FOXP1: variants seen among roughly 807,000 people sequenced by gnomAD.
FOXP1 encodes the protein forkhead box protein P1.
In FOXP1, 15 loss-of-function variants were observed where a neutral mutation model predicts 98.2. The observed-to-expected ratio is 0.15, with a 90% CI of 0.10 to 0.24. The LOEUF (loss-of-function observed/expected upper bound fraction) is 0.24. Ranked by LOEUF, FOXP1 falls within the 10% of genes least tolerant of loss-of-function variation. FOXP1 has a pLI of 1.00. For missense variants in FOXP1, 633 were observed against 848.5 expected (o/e 0.75, Z 3.15); for synonymous variants, 371 against 314.5 (o/e 1.18, Z -1.90).
chr3:71,559,267 C>T (rs536406246), intron 2 of FOXP1, among the ~76,000 whole-genome samples: 1 of 152,316 alleles, frequency 6.6e-6, no homozygotes, highest in African/African-American at 2.4e-5. Context: ...CTAAGGCATT[C>T]GCTTACTATT....
intron 14 of FOXP1, among the ~76,000 whole-genome samples, chr3:70,980,010 G>C (rs371345419): frequency 1.3e-5 from 2 of 152,120 alleles, no homozygotes; most frequent in East Asian, 1.9e-4. Flanking sequence ...CAATGCCTGC[G>C]AAGAGCAAGC....
At chr3:71,245,664 T>G (rs1026044799) in intron 5 of FOXP1, among the ~76,000 whole-genome samples, 1 of 147,994 alleles carries the variant, frequency 6.8e-6, no homozygotes, top group East Asian at 2.1e-4. Flanking sequence ...GTTACCTTCA[T>G]AAAAATTCCT....
intron 6 of FOXP1, among the ~76,000 whole-genome samples, chr3:71,190,841 A>G (rs1364156399): frequency 2.0e-4 from 30 of 152,104 alleles, no homozygotes; most frequent in Admixed American, 2.0e-3. Flanking sequence ...TTTATGAATC[A>G]AATCAAACAC....
chr3:71,017,761 G>C (rs2044725844), intron 11 of FOXP1, among the ~76,000 whole-genome samples: 1 of 152,016 alleles, frequency 6.6e-6, no homozygotes. Context: ...GATAATGTTA[G>C]AAATAAAATT....
intron 4 of FOXP1, among the ~76,000 whole-genome samples, chr3:71,336,885 G>C (rs1392685913): frequency 1.3e-5 from 2 of 152,182 alleles, no homozygotes; most frequent in East Asian, 1.9e-4. Flanking sequence ...AGAAGGCAGA[G>C]GGACATGTTG....
intron 11 of FOXP1, among the ~76,000 whole-genome samples, chr3:71,035,068 T>C (rs1301460930): frequency 6.6e-6 from 1 of 152,160 alleles, no homozygotes; most frequent in African/African-American, 2.4e-5. Flanking sequence ...AACTTGAACA[T>C]GTATTCCAAA....
At chr3:70,994,166 C>A (rs912994674) in intron 13 of FOXP1, among the ~76,000 whole-genome samples, 5 of 151,556 alleles carry the variant, frequency 3.3e-5, no homozygotes, top group African/African-American at 1.2e-4. Flanking sequence ...AGGAGCTCAA[C>A]AGCTGGCCAG....
rs568120955 is a variant in FOXP1 at position 71,493,425 on chromosome 3, C to T, written c.-168+1G>A. The T allele has an allele frequency of 6.6e-6, 1 of 152,310 alleles. No homozygotes were observed. Among genetic ancestry groups the T allele is most frequent in the South Asian group, 2.1e-4 (1 of 4,826 alleles). 9.4% of individuals were successfully genotyped at this position (152,310 alleles called of 1,614,324 possible). A position where few individuals can be genotyped will look rare whatever the true frequency, so the allele number is the denominator to read the frequency against. On this transcript the variant is annotated splice_donor_variant, in intron 3 of 20. Coordinates refer to ENST00000649528, the MANE Select transcript of FOXP1 (RefSeq NM_001349338.3). LOFTEE classifies it low-confidence loss of function (5UTR_SPLICE). ...ATAATCACAAACATTCATTCACTCA[C>T]CCTTTTGGCTAGCAGGCATCACATC...
At position 70,965,870 on chromosome 3, in the gene FOXP1, G is replaced by T. The variant is rs7638391; in HGVS notation, c.1889+20C>A. The stretch of plus-strand genomic sequence containing the variant: ...GACTAGGGTCAGATAGCAAAGACCT[G>T]TTGGGTGGACAATACTCACACGGCT... On this transcript the variant is annotated intron_variant, in intron 20 of 20. Transcript: ENST00000649528. The T allele has an allele frequency of 0.93, 1,495,586 of 1,612,816 alleles. 694,101 individuals carry two copies. Among genetic ancestry groups the T allele is most frequent in the East Asian group, 1 (44,841 of 44,848 alleles).
chr3:71,485,166 G>C (rs1012551122), intron 3 of FOXP1, among the ~76,000 whole-genome samples: 6 of 152,126 alleles, frequency 3.9e-5, no homozygotes, highest in African/African-American at 1.4e-4. Flanking sequence ...GAGGACAGGG[G>C]TGCAGAGGCC....
intron 5 of FOXP1, among the ~76,000 whole-genome samples, chr3:71,227,367 C>T (rs1413939113): frequency 3.3e-5 from 5 of 152,122 alleles, no homozygotes; most frequent in Admixed American, 3.3e-4. Flanking sequence ...AGTCTGTAAA[C>T]ATACACTTGT....
chr3:71,133,353 A>G (rs1234018404), intron 6 of FOXP1, among the ~76,000 whole-genome samples: 1 of 152,226 alleles, frequency 6.6e-6, no homozygotes, highest in African/African-American at 2.4e-5. Context: ...AAGGGCCACC[A>G]TTTTTAAAAG....
chr3:71,319,692 C>A (rs937180523), intron 4 of FOXP1, among the ~76,000 whole-genome samples: 2 of 152,116 alleles, frequency 1.3e-5, no homozygotes, highest in African/African-American at 4.8e-5. Flanking sequence ...AGTTTTCAGT[C>A]CCTTTTGTTT....
Position 71,039,654 on chromosome 3 carries a change from T to C in FOXP1, c.869+1674A>G, listed in dbSNP as rs138453239. Among the ~76,000 whole-genome samples the C allele has an allele frequency of 5.3e-5, 8 of 151,916 alleles. No homozygotes were observed. The East Asian group carries it at 1.5e-3, about 29-fold the overall frequency. On this transcript the variant is annotated intron_variant, in intron 11 of 20. Transcript: ENST00000649528. ...GGATAAAGATGTAATTCAATCGCTCTGCAGCAAATGGACGCATCAACCTTA... is the reference window on the plus strand; with the variant it reads ...GGATAAAGATGTAATTCAATCGCTCCGCAGCAAATGGACGCATCAACCTTA...
intron 6 of FOXP1, among the ~76,000 whole-genome samples, chr3:71,118,118 C>T (rs1232127265): frequency 1.3e-5 from 2 of 152,134 alleles, no homozygotes; most frequent in Non-Finnish European, 2.9e-5. Flanking sequence ...TGGTCCACGG[C>T]CAGCTCTCAG....
chr3:71,374,275 T>C (rs1486011876), intron 3 of FOXP1, among the ~76,000 whole-genome samples: 1 of 152,204 alleles, frequency 6.6e-6, no homozygotes, highest in Non-Finnish European at 1.5e-5. Context: ...GTGGAAGTAT[T>C]TTATTCAGAA....
At chr3:71,577,400 C>T (rs2047806792) in intron 2 of FOXP1, among the ~76,000 whole-genome samples, 1 of 151,126 alleles carries the variant, frequency 6.6e-6, no homozygotes, top group Non-Finnish European at 1.5e-5. Flanking sequence ...CCATTAAGCA[C>T]ATGGTCACAT....
rs61281811 is a variant in FOXP1 at position 71,200,083 on chromosome 3, CAAAAAAAAAAAAA to C, written c.-11-1704_-11-1692del. On this transcript the variant is annotated intron_variant, in intron 5 of 20. Transcript: ENST00000649528. ...AGCTACAGAGCGAGACTCCATCTCA[CAAAAAAAAAAAAA>C]AAAAAAAAAGAGAGAAAATATCACT... 1.4e-4 allele frequency among the ~76,000 whole-genome samples: 11 copies of C among 76,110 alleles called. No homozygotes were observed. The Admixed American group carries it at 1.5e-3, about 11-fold the overall frequency. 49.9% of individuals were successfully genotyped at this position (76,110 alleles called of 152,430 possible). A position where few individuals can be genotyped will look rare whatever the true frequency, so the allele number is the denominator to read the frequency against.
intron 5 of FOXP1, among the ~76,000 whole-genome samples, chr3:71,215,728 A>G (rs929419008): frequency 2.0e-5 from 3 of 152,182 alleles, no homozygotes; most frequent in Non-Finnish European, 4.4e-5. Flanking sequence ...TAAAGTCAAC[A>G]TTTCTTCTAA....
Sources: allele counts gnomAD v4.1 joint callset (sites outside exome capture counted in the v4.1 genomes callset), GRCh38; gene constraint gnomAD v4.1.1; transcripts MANE v1.5; gene names NCBI Gene and HGNC (gene_info 2026-07-23, HGNC 2026-07-21).